The following KIAA0319L variants were observed in gnomAD, a reference collection of about 807,000 sequenced individuals.
KIAA0319L encodes KIAA0319 like.
Under a neutral mutation model 120.1 loss-of-function variants are expected in KIAA0319L, and 55 were observed. The ratio of observed to expected loss-of-function variants is 0.46; its 90% CI spans 0.37 to 0.57. The LOEUF is 0.57. Ranked by LOEUF, KIAA0319L falls within the 20% of genes least tolerant of loss-of-function variation. The probability of loss-of-function intolerance (pLI) is 0.00; values close to 1 mark genes in which losing one functional copy is unlikely to be tolerated. For synonymous variants in KIAA0319L, 398 were observed against 471.9 expected (o/e 0.84, Z 2.03); for missense variants, 1,049 against 1,255.3 (o/e 0.84, Z 2.48).
At chr1:35,543,229 A>T (rs1646858577) in intron 2 of KIAA0319L, among the ~76,000 whole-genome samples, 1 of 152,168 alleles carries the variant, frequency 6.6e-6, no homozygotes, top group Non-Finnish European at 1.5e-5. Context: ...AGAATCAAAA[A>T]CCTTGCATGG....
In KIAA0319L at chr1:35,437,122, G is replaced by A. The variant is rs1011789655; in HGVS notation, c.2963-2041C>T. On this transcript the variant is annotated intron_variant, in intron 20 of 20. Coordinates refer to ENST00000325722, the MANE Select transcript of KIAA0319L (RefSeq NM_024874.5). This position sits in a 1 kb window ranked among gnomAD's most constrained non-coding sequence, Gnocchi z 4.1. ...CCCTGCTGCCCTCACCTGGTCGCAC[G>A]TTGTTGGTTTTGGTCACCTAGATGC... 6.6e-6 allele frequency among the ~76,000 whole-genome samples: 1 copy of A among 152,066 alleles called. No homozygotes were observed. The highest frequency in any genetic ancestry group is 1.5e-5 in the Non-Finnish European group (1 of 68,008).
At chr1:35,537,615 TAAA>T (rs58080321) in intron 2 of KIAA0319L, among the ~76,000 whole-genome samples, 1 of 102,912 alleles carries the variant, frequency 9.7e-6, no homozygotes. Context: ...TAAGCGCCAT[TAAA>T]AAAAAAAAAA....
intron 8 of KIAA0319L, 42 bp downstream of exon 8, chr1:35,462,579 G>C (rs1335890377): frequency 1.4e-6 from 2 of 1,474,336 alleles, no homozygotes; most frequent in Non-Finnish European, 1.9e-6. Flanking sequence ...AGAGTACACG[G>C]TGAATGTTCT....
At chr1:35,556,195 T>C (rs1387439763) in intron 1 of KIAA0319L, among the ~76,000 whole-genome samples, 1 of 152,198 alleles carries the variant, frequency 6.6e-6, no homozygotes, top group Non-Finnish European at 1.5e-5. Context: ...GCGTTACAAG[T>C]ACACCCAAAA....
chr1:35,472,786 C>CTTT (rs760880560), intron 5 of KIAA0319L, among the ~76,000 whole-genome samples: 1 of 139,216 alleles, frequency 7.2e-6, no homozygotes. Flanking sequence ...ATCTATTTCC[C>CTTT]TTTTTTTTTT....
intron 12 of KIAA0319L, among the ~76,000 whole-genome samples, chr1:35,452,662 A>T (rs934864163): frequency 2.0e-5 from 3 of 152,236 alleles, no homozygotes; most frequent in Non-Finnish European, 2.9e-5. Context: ...TTCAATAAAC[A>T]ATTATAATTA....
chr1:35,527,478 A>G (rs1191351474), intron 2 of KIAA0319L, among the ~76,000 whole-genome samples: 1 of 152,200 alleles, frequency 6.6e-6, no homozygotes, highest in Non-Finnish European at 1.5e-5. Context: ...AAGAACCAGT[A>G]TTAGTTCCTG....
At chr1:35,526,410 T>C (rs1203143) in intron 2 of KIAA0319L, among the ~76,000 whole-genome samples, 11,693 of 137,446 alleles carry the variant, frequency 0.085, 824 homozygotes, top group East Asian at 0.27. Context: ...TATATATATA[T>C]ACACACATAC....
At chr1:35,513,816 GTTTCCTTTAT>G (rs1269466380) in intron 2 of KIAA0319L, among the ~76,000 whole-genome samples, 1 of 151,998 alleles carries the variant, frequency 6.6e-6, no homozygotes, top group African/African-American at 2.4e-5. Context: ...TCTGACAAAC[GTTTCCTTTAT>G]ATTTGTGAGA....
chr1:35,451,258 C>T (rs957353580), intron 13 of KIAA0319L, among the ~76,000 whole-genome samples: 3 of 152,186 alleles, frequency 2.0e-5, no homozygotes, highest in Non-Finnish European at 4.4e-5. Flanking sequence ...GTCACTGTAG[C>T]TAACAGGAGT....
chr1:35,435,087 G>C lies in KIAA0319L; in HGVS notation c.2963-6C>G, dbSNP rs1640675370. Reference sequence around the variant, plus strand: ...AAGGCCTTTCTGTTTGATGCCTGCAGGGAAAACAAGGAATCCAGCATCAGG... The same window carrying C: ...AAGGCCTTTCTGTTTGATGCCTGCACGGAAAACAAGGAATCCAGCATCAGG... On this transcript the variant is annotated splice_polypyrimidine_tract_variant and splice_region_variant and intron_variant, in intron 20 of 20. Transcript: ENST00000325722. The C allele has an allele frequency of 1.2e-6, 2 of 1,612,846 alleles. No homozygotes were observed. Among genetic ancestry groups the C allele is most frequent in the African/African-American group, 2.7e-5 (2 of 74,904 alleles).
At chr1:35,541,781 G>C (rs997586326) in intron 2 of KIAA0319L, among the ~76,000 whole-genome samples, 2 of 152,194 alleles carry the variant, frequency 1.3e-5, no homozygotes, top group Non-Finnish European at 1.5e-5. Flanking sequence ...TATCAGTTTT[G>C]GGGGAAGTGA....
intron 2 of KIAA0319L, among the ~76,000 whole-genome samples, chr1:35,516,844 A>G (rs1645700525): frequency 1.3e-5 from 2 of 152,192 alleles, no homozygotes; most frequent in African/African-American, 4.8e-5. Flanking sequence ...ACTGATAAAC[A>G]ACTTCAGCAA....
At chr1:35,517,834 C>G (rs189364953) in intron 2 of KIAA0319L, among the ~76,000 whole-genome samples, 1 of 152,120 alleles carries the variant, frequency 6.6e-6, no homozygotes, top group Non-Finnish European at 1.5e-5. Flanking sequence ...TGACAAAAGT[C>G]TAATATCCAG....
intron 3 of KIAA0319L, among the ~76,000 whole-genome samples, chr1:35,481,334 T>A (rs533932465): frequency 6.6e-6 from 1 of 152,240 alleles, no homozygotes; most frequent in Non-Finnish European, 1.5e-5. Context: ...CATAAGTATA[T>A]GTTTAACTTT....
At chr1:35,475,140 A>C (rs932000587) in intron 4 of KIAA0319L, among the ~76,000 whole-genome samples, 2 of 152,104 alleles carry the variant, frequency 1.3e-5, no homozygotes, top group African/African-American at 4.8e-5. Flanking sequence ...TAATACCCTC[A>C]TTCTTCATCT....
At chr1:35,507,888 T>A (rs960975422) in intron 2 of KIAA0319L, among the ~76,000 whole-genome samples, 2 of 152,196 alleles carry the variant, frequency 1.3e-5, no homozygotes, top group Non-Finnish European at 2.9e-5. Context: ...CTAAATAATA[T>A]GATCCAAAAT....
chr1:35,486,478 C>A (rs1166379041), intron 3 of KIAA0319L, among the ~76,000 whole-genome samples: 3 of 151,598 alleles, frequency 2.0e-5, no homozygotes, highest in Non-Finnish European at 4.4e-5. Flanking sequence ...ACAATTTTGC[C>A]CAGTTTTATA....
At chr1:35,535,780 T>C (rs1037830323) in intron 2 of KIAA0319L, among the ~76,000 whole-genome samples, 1 of 152,150 alleles carries the variant, frequency 6.6e-6, no homozygotes, top group Non-Finnish European at 1.5e-5. Context: ...CTGTGCATCC[T>C]ACATATACCT....
Sources: gnomAD v4.1 joint callset for allele counts (sites outside exome capture counted in the v4.1 genomes callset) on GRCh38, gnomAD v4.1.1 for gene constraint, Gnocchi (gnomAD v3.1) non-coding constraint, MANE v1.5 for transcripts, NCBI Gene and HGNC (gene_info 2026-07-23, HGNC 2026-07-21) for gene names.